UVRAG: variants seen among roughly 807,000 people sequenced by gnomAD.
UVRAG encodes UV radiation resistance associated, also known as UV radiation resistance-associated gene protein.
In UVRAG, 19 loss-of-function variants were observed where a neutral mutation model predicts 78.0. That is an observed-to-expected ratio of 0.24 (90% CI 0.17 to 0.36). The LOEUF (loss-of-function observed/expected upper bound fraction) is 0.36. Ranked by LOEUF, UVRAG falls within the 10% of genes least tolerant of loss-of-function variation. The probability of loss-of-function intolerance (pLI) is 1.00; values close to 1 mark genes in which losing one functional copy is unlikely to be tolerated. For synonymous variants in UVRAG, 323 were observed against 324.6 expected (o/e 1.00, Z 0.05); for missense variants, 740 against 853.8 (o/e 0.87, Z 1.66).
chr11:75,924,817 C>T (rs1339948730), intron 6 of UVRAG, among the ~76,000 whole-genome samples: 1 of 152,128 alleles, frequency 6.6e-6, no homozygotes, highest in Non-Finnish European at 1.5e-5. Context: ...TTCATTTTCT[C>T]TAGTTTACTG....
chr11:75,940,117 TG>T lies in UVRAG; in HGVS notation c.594-21325del, dbSNP rs566679366. ...CATAACTCTAAATGTAGCAGGCAAA[TG>T]GTACAAAGAAGAAAGAAGACAGTGT... On this transcript the variant is annotated intron_variant, in intron 6 of 14. Transcript: ENST00000356136. 7.2e-5 allele frequency among the ~76,000 whole-genome samples: 11 copies of T among 152,228 alleles called. No homozygotes were observed. In the South Asian group the frequency reaches 2.3e-3, roughly 32 times the overall value.
At chr11:76,129,094 T>A (rs931961127) in intron 14 of UVRAG, among the ~76,000 whole-genome samples, 5 of 152,152 alleles carry the variant, frequency 3.3e-5, no homozygotes, top group Non-Finnish European at 5.9e-5. Flanking sequence ...TAGGACCTAC[T>A]AACCTCTCCC....
chr11:75,885,641 G>C (rs1415890025), intron 4 of UVRAG, among the ~76,000 whole-genome samples: 1 of 152,120 alleles, frequency 6.6e-6, no homozygotes, highest in Non-Finnish European at 1.5e-5. Flanking sequence ...TTGTGGTTAA[G>C]TTCTAAGTTC....
At chr11:76,117,022 C>T (rs140049845) in intron 14 of UVRAG, among the ~76,000 whole-genome samples, 10 of 152,152 alleles carry the variant, frequency 6.6e-5, no homozygotes, top group South Asian at 2.1e-4. Flanking sequence ...GATATGGACC[C>T]GGATGCCTTC....
chr11:76,063,345 A>G (rs554338773), intron 12 of UVRAG, among the ~76,000 whole-genome samples: 5 of 152,332 alleles, frequency 3.3e-5, no homozygotes, highest in Admixed American at 3.3e-4. Context: ...CAATGATACA[A>G]GTATTTACAG....
chr11:75,868,289 G>A (rs1946578195), intron 3 of UVRAG, among the ~76,000 whole-genome samples: 1 of 152,194 alleles, frequency 6.6e-6, no homozygotes, highest in Non-Finnish European at 1.5e-5. Flanking sequence ...TACTTGAGGT[G>A]TTCAAGAAAT....
intron 1 of UVRAG, among the ~76,000 whole-genome samples, chr11:75,835,647 T>C (rs1590915014): frequency 6.6e-6 from 1 of 152,126 alleles, no homozygotes; most frequent in Non-Finnish European, 1.5e-5. Context: ...ATTACAAAAA[T>C]AGAGATGTCA....
Position 76,006,502 on chromosome 11 carries a change from A to T in UVRAG, c.912-1032A>T, listed in dbSNP as rs140239899. Among the ~76,000 whole-genome samples the T allele has an allele frequency of 1.4e-3, 218 of 152,008 alleles. 4 individuals carry two copies. In the East Asian group the frequency reaches 0.038, roughly 27 times the overall value. On this transcript the variant is annotated intron_variant, in intron 9 of 14. Transcript: ENST00000356136. ...TGGTGAAACACTGTCTCTACAAAAA[A>T]TACAAAAATTAGCTCAGCATGGTTG...
chr11:76,027,205 A>G (rs1204925219), intron 12 of UVRAG, among the ~76,000 whole-genome samples: 1 of 152,166 alleles, frequency 6.6e-6, no homozygotes, highest in Non-Finnish European at 1.5e-5. Context: ...GCAAACATAT[A>G]GGAGATGGAA....
chr11:75,961,336 A>T (rs1948906518), intron 6 of UVRAG, 108 bp from the exon 7 acceptor site: 1 of 770,358 alleles, frequency 1.3e-6, no homozygotes, highest in African/African-American at 1.8e-5. Context: ...AAATCAATTG[A>T]GTTCATTATT....
chr11:75,927,943 A>G (rs1026272615), intron 6 of UVRAG, among the ~76,000 whole-genome samples: 11 of 152,136 alleles, frequency 7.2e-5, no homozygotes, highest in African/African-American at 2.7e-4. Context: ...TTTTAAAAAA[A>G]TACCTCTGAT....
chr11:76,045,938 T>A (rs2134340509), intron 12 of UVRAG, among the ~76,000 whole-genome samples: 1 of 152,202 alleles, frequency 6.6e-6, no homozygotes, highest in Middle Eastern at 3.4e-3. Context: ...AATAACATTT[T>A]AAAAGCCCAC....
intron 6 of UVRAG, among the ~76,000 whole-genome samples, chr11:75,942,906 GA>G (rs923826434): frequency 1.2e-4 from 18 of 152,050 alleles, no homozygotes; most frequent in Middle Eastern, 3.4e-3. Flanking sequence ...TTAGAAAAAG[GA>G]AAAGCCAACT....
chr11:76,076,836 G>T (rs1951413343), intron 13 of UVRAG, among the ~76,000 whole-genome samples: 1 of 112,962 alleles, frequency 8.9e-6, no homozygotes, highest in African/African-American at 5.5e-5. Flanking sequence ...TTATTTATTA[G>T]AGGCAGATGA....
chr11:75,944,312 G>T (rs1948546380), intron 6 of UVRAG, among the ~76,000 whole-genome samples: 1 of 152,084 alleles, frequency 6.6e-6, no homozygotes, highest in South Asian at 2.1e-4. Flanking sequence ...TTTTGCAAGG[G>T]TACTTAGATT....
intron 6 of UVRAG, among the ~76,000 whole-genome samples, chr11:75,918,210 C>CA (rs67178910): frequency 0.12 from 6,906 of 55,562 alleles, 266 homozygotes; most frequent in South Asian, 0.19. Context: ...ACTAAAAATA[C>CA]AAAAAAAAAA....
chr11:76,072,621 TA>T lies in UVRAG; in HGVS notation c.1305+6835del, dbSNP rs111595539. Among the ~76,000 whole-genome samples, 1,070 of 152,316 alleles carry T rather than the reference TA, an allele frequency of 7.0e-3. 17 individuals carry two copies. Among genetic ancestry groups the T allele is most frequent in the African/African-American group, 0.025 (1,023 of 41,572 alleles). On this transcript the variant is annotated intron_variant, in intron 13 of 14. Transcript: ENST00000356136. Reference sequence around the variant, plus strand: ...AGGTATGATATAAATGTATAGTTCTTAACCACAACTCACACCATACTGTGAA... The same window carrying T: ...AGGTATGATATAAATGTATAGTTCTTACCACAACTCACACCATACTGTGAA...
intron 1 of UVRAG, among the ~76,000 whole-genome samples, chr11:75,825,767 G>T (rs1170155363): frequency 6.6e-6 from 1 of 152,082 alleles, no homozygotes; most frequent in African/African-American, 2.4e-5. Context: ...CCTGCTTGTG[G>T]CAGAGAAATA....
intron 5 of UVRAG, chr11:75,911,370 G>T: frequency 6.2e-6 from 1 of 161,230 alleles, no homozygotes; most frequent in South Asian, 1.7e-4. Context: ...ATCCTGGGTG[G>T]GCACGTTTCC....
Sources: allele counts gnomAD v4.1 joint callset (sites outside exome capture counted in the v4.1 genomes callset), GRCh38; gene constraint gnomAD v4.1.1; transcripts MANE v1.5; gene names NCBI Gene and HGNC (gene_info 2026-07-23, HGNC 2026-07-21).